CMSS1: variants seen among roughly 807,000 people sequenced by gnomAD.
CMSS1 encodes the protein protein CMSS1.
In CMSS1, 33 loss-of-function variants were observed where a neutral mutation model predicts 43.5. That is an observed-to-expected ratio of 0.76 (90% CI 0.57 to 1.01). CMSS1 has a LOEUF of 1.01. Among genes scored for constraint, CMSS1 ranks in the 50% least tolerant of loss-of-function variants. The pLI is 0.00. For synonymous variants in CMSS1, 115 were observed against 117.2 expected, an observed-to-expected ratio of 0.98 and a Z score of 0.12; for missense variants, 313 against 326.4, an observed-to-expected ratio of 0.96 and a Z score of 0.32.
intron 1 of CMSS1, among the ~76,000 whole-genome samples, chr3:99,843,759 C>T (rs1943237856): frequency 6.6e-6 from 1 of 152,112 alleles, no homozygotes; most frequent in South Asian, 2.1e-4. Flanking sequence ...GGACTGGTAG[C>T]AGTCCATGGC....
intron 1 of CMSS1, among the ~76,000 whole-genome samples, chr3:99,915,991 C>G (rs552603771): frequency 6.6e-6 from 1 of 152,270 alleles, no homozygotes; most frequent in South Asian, 2.1e-4. Context: ...TGAAGAAAGG[C>G]AAATTTGAAG....
intron 1 of CMSS1, among the ~76,000 whole-genome samples, chr3:99,953,626 G>C (rs1039243137): frequency 2.0e-5 from 3 of 152,114 alleles, no homozygotes; most frequent in African/African-American, 7.2e-5. Flanking sequence ...CTTTGTGAGG[G>C]CTGTTCCTAT....
intron 1 of CMSS1, among the ~76,000 whole-genome samples, chr3:99,968,828 A>C (rs1403206957): frequency 6.6e-6 from 1 of 152,192 alleles, no homozygotes; most frequent in African/African-American, 2.4e-5. Context: ...GCAGAATGAC[A>C]TTGTGTCTTG....
intron 1 of CMSS1, chr3:99,850,460 C>G (rs1336115990): frequency 1.2e-6 from 2 of 1,613,990 alleles, no homozygotes; most frequent in South Asian, 2.2e-5. Context: ...TGTAACGTCT[C>G]CCTTTCAAGC....
At chr3:100,039,553 T>G (rs2065166005) in intron 1 of CMSS1, among the ~76,000 whole-genome samples, 1 of 152,128 alleles carries the variant, frequency 6.6e-6, no homozygotes, top group South Asian at 2.1e-4. Flanking sequence ...CAGGAGTACC[T>G]TGGAAAAGCC....
At chr3:99,850,999 G>T in intron 1 of CMSS1, 2 of 1,613,502 alleles carry the variant, frequency 1.2e-6, no homozygotes, top group Non-Finnish European at 8.5e-7. Flanking sequence ...TTTCAGGGTG[G>T]TGACCCTTTT....
At chr3:99,876,974 CA>C (rs777952153) in intron 1 of CMSS1, among the ~76,000 whole-genome samples, 15 of 151,960 alleles carry the variant, frequency 9.9e-5, no homozygotes, top group Non-Finnish European at 2.1e-4. Context: ...TACCGGCAAA[CA>C]AAATAAAGCC....
At chr3:99,982,887 A>C (rs984927490) in intron 1 of CMSS1, among the ~76,000 whole-genome samples, 7 of 152,210 alleles carry the variant, frequency 4.6e-5, no homozygotes, top group African/African-American at 9.6e-5. Context: ...GTAGGCTTGC[A>C]GCTGAAGACA....
chr3:100,000,654 A>G (rs1001096200), intron 1 of CMSS1, among the ~76,000 whole-genome samples: 3 of 152,236 alleles, frequency 2.0e-5, no homozygotes, highest in African/African-American at 4.8e-5. Flanking sequence ...GTTCAAGGCC[A>G]GAGTGAGCTA....
chr3:99,832,231 CTTT>C (rs577849748), intron 1 of CMSS1, among the ~76,000 whole-genome samples: 8 of 138,142 alleles, frequency 5.8e-5, no homozygotes, highest in Admixed American at 7.2e-5. Context: ...ATTCCTAAAT[CTTT>C]TTTTTTTTTT....
intron 2 of CMSS1, among the ~76,000 whole-genome samples, chr3:100,154,388 TA>T (rs530740573): frequency 0.01 from 1,524 of 151,402 alleles, 28 homozygotes; most frequent in African/African-American, 0.035. Context: ...TTCAATTTCA[TA>T]AAAAAAAACT....
intron 1 of CMSS1, among the ~76,000 whole-genome samples, chr3:99,971,196 C>T (rs980106073): frequency 5.3e-5 from 8 of 152,034 alleles, no homozygotes; most frequent in Non-Finnish European, 1.2e-4. Flanking sequence ...AATAATTAGC[C>T]GGGCCTGGTG....
intron 1 of CMSS1, among the ~76,000 whole-genome samples, chr3:100,142,867 T>A (rs2066816201): frequency 6.6e-6 from 1 of 152,186 alleles, no homozygotes; most frequent in South Asian, 2.1e-4. Context: ...TTACTTTTAG[T>A]CAACACTGGG....
chr3:99,838,862 T>C (rs887278112), intron 1 of CMSS1, among the ~76,000 whole-genome samples: 2 of 152,204 alleles, frequency 1.3e-5, no homozygotes, highest in Non-Finnish European at 2.9e-5. Context: ...CTCTTTTATG[T>C]TACCTCACTA....
chr3:99,832,098 A>G (rs1189489484), intron 1 of CMSS1, among the ~76,000 whole-genome samples: 1 of 152,118 alleles, frequency 6.6e-6, no homozygotes, highest in Non-Finnish European at 1.5e-5. Context: ...CTGGGCTCCT[A>G]CTTGTTTCTA....
chr3:100,064,681 G>A (rs774622322), intron 1 of CMSS1, among the ~76,000 whole-genome samples: 6 of 152,260 alleles, frequency 3.9e-5, no homozygotes, highest in East Asian at 3.9e-4. Context: ...ATTTCCACTT[G>A]CTGATTTTCT....
intron 1 of CMSS1, among the ~76,000 whole-genome samples, chr3:100,001,611 G>A (rs1181084810): frequency 6.6e-6 from 1 of 152,164 alleles, no homozygotes; most frequent in Non-Finnish European, 1.5e-5. Flanking sequence ...GGGAGTGGGA[G>A]ACATGTTCCA....
intron 1 of CMSS1, chr3:99,848,259 T>G: frequency 1.2e-6 from 2 of 1,608,726 alleles, no homozygotes; most frequent in South Asian, 1.1e-5. Context: ...ATGGACTGGA[T>G]GAGGGTGAGC....
intron 1 of CMSS1, among the ~76,000 whole-genome samples, chr3:99,820,294 T>G (rs764847062): frequency 6.6e-5 from 10 of 151,612 alleles, no homozygotes; most frequent in African/African-American, 9.7e-5. Context: ...CCTCCTGGGT[T>G]CAAGCGATTC....
Sources: gnomAD v4.1 joint callset for allele counts (sites outside exome capture counted in the v4.1 genomes callset) on GRCh38, gnomAD v4.1.1 for gene constraint, MANE v1.5 for transcripts, NCBI Gene and HGNC (gene_info 2026-07-23, HGNC 2026-07-21) for gene names.